Variants in TLR8 observed in about 807,000 individuals in gnomAD.
TLR8 encodes the protein toll like receptor 8.
In TLR8, 5 loss-of-function variants were observed where a neutral mutation model predicts 18.5. The observed-to-expected ratio is 0.27, with a 90% CI of 0.14 to 0.57. TLR8 has a LOEUF of 0.57. Among genes scored for constraint, TLR8 ranks in the 20% least tolerant of loss-of-function variants. TLR8 has a pLI of 0.92. For missense variants in TLR8, 543 were observed against 769.8 expected (o/e 0.71, Z 3.49); for synonymous variants, 299 against 300.1 (o/e 1.00, Z 0.04).
intron 1 of TLR8, among the ~76,000 whole-genome samples, chrX:12,917,052 A>G (rs1569116380): frequency 1.8e-5 from 2 of 111,807 alleles, no homozygotes; most frequent in Middle Eastern, 4.6e-3. Context: ...CGATAACCAG[A>G]AAAAACGTTC....
chrX:12,922,349 G>A lies in TLR8; in HGVS notation c.*183G>A. 2.0e-6 allele frequency: 1 copy of A among 496,932 alleles called. No homozygotes were observed. The highest frequency in any genetic ancestry group is 3.2e-6 in the Non-Finnish European group (1 of 308,663). The allele number at this position is 496,932 out of a possible 1,213,427, so 41.0% of individuals were successfully genotyped here. On this transcript the variant is annotated 3_prime_UTR_variant, in exon 2 of 2. Transcript: ENST00000218032. Reference sequence around the variant, plus strand: ...CCAGCATAACTGGGTCCTCTGCTCAGGGTGTCTCAGAGGCTGCAATGTAGG... The same window carrying A: ...CCAGCATAACTGGGTCCTCTGCTCAAGGTGTCTCAGAGGCTGCAATGTAGG...
chrX:12,907,199 G>A (rs752100391), intron 1 of TLR8, among the ~76,000 whole-genome samples: 3 of 112,450 alleles, frequency 2.7e-5, no homozygotes, highest in East Asian at 2.8e-4. Context: ...CTTAAAGTTC[G>A]ACATTAATTG....
Position 12,920,984 on chromosome X carries a change from T to A in TLR8, c.1944T>A (p.Leu648=). 8.3e-7 allele frequency: 1 copy of A among 1,211,303 alleles called. No homozygotes were observed. Among genetic ancestry groups the A allele is most frequent in the Non-Finnish European group, 1.1e-6 (1 of 894,987 alleles). The change falls in exon 2 of 2, where the codon CTT becomes CTA. Residue 648 remains leucine, a synonymous_variant. Coordinates refer to ENST00000218032, the MANE Select transcript of TLR8 (RefSeq NM_138636.5). Reference sequence around the variant, plus strand: ...ATCTGACACGTCTGGATTTATCCCTTAATAGGCTGAAGCACATCCCAAATG... The same window carrying A: ...ATCTGACACGTCTGGATTTATCCCTAAATAGGCTGAAGCACATCCCAAATG... ...LKNLTRLDLS[L]NRLKHIPNEA...
chrX:12,919,391 A>T lies in TLR8; in HGVS notation c.351A>T (p.Thr117=). The T allele has an allele frequency of 8.3e-7, 1 of 1,211,901 alleles. No individual in the cohort carries two copies. The highest frequency in any genetic ancestry group is 1.1e-6 in the Non-Finnish European group (1 of 895,534). The change falls in exon 2 of 2, where the codon ACA becomes ACT. Residue 117 remains threonine, a synonymous_variant. Transcript: ENST00000218032. Reference sequence around the variant, plus strand: ...TACAATCAAATGGCTTGAATATCACAGACGGGGCATTCCTCAACCTAAAAA... The same window carrying T: ...TACAATCAAATGGCTTGAATATCACTGACGGGGCATTCCTCAACCTAAAAA... The part of the protein sequence containing the change: ...PGIQSNGLNI[T]DGAFLNLKNL...
intron 1 of TLR8, among the ~76,000 whole-genome samples, chrX:12,915,904 G>A (rs750894424): frequency 2.0e-4 from 22 of 109,041 alleles, no homozygotes; most frequent in Admixed American, 1.4e-3. Context: ...TTTTTGAGAC[G>A]GAGTTTCACT....
chrX:12,910,226 G>T, intron 1 of TLR8: 1 of 970,659 alleles, frequency 1.0e-6, no homozygotes, highest in Non-Finnish European at 1.4e-6. Flanking sequence ...CAAAAATTCA[G>T]CTCTGGTTGA....
At chrX:12,908,550 G>A (rs902527193) in intron 1 of TLR8, among the ~76,000 whole-genome samples, 7 of 112,551 alleles carry the variant, frequency 6.2e-5, no homozygotes, top group Admixed American at 3.7e-4. Flanking sequence ...TGCCCAGACT[G>A]AACCCCAGAT....
intron 1 of TLR8, among the ~76,000 whole-genome samples, chrX:12,907,654 G>C (rs1455747818): frequency 9.0e-6 from 1 of 111,032 alleles, no homozygotes; most frequent in Non-Finnish European, 1.9e-5. Context: ...AACCTCCCAA[G>C]TAGCTGGGAC....
rs1450419927 is a variant in TLR8, at chrX:12,921,106, G to A, written c.2066G>A (p.Arg689His). The part of the protein sequence containing the change: ...FNWTLLQQFP[R>H]LELLDLRGNK... ...TGGACATTACTCCAGCAGTTTCCTC[G>A]TCTCGAGTTGCTTGACTTACGTGGA... Residue 689 changes from arginine (R) to histidine (H), a missense_variant, in exon 2 of 2, where the codon CGT (arginine) becomes CAT (histidine). Transcript: ENST00000218032. 7.4e-6 allele frequency: 9 copies of A among 1,211,108 alleles called. No homozygotes were observed. Among genetic ancestry groups the A allele is most frequent in the Non-Finnish European group, 1.0e-5 (9 of 895,282 alleles).
rs5744064 is a variant in TLR8 at position 12,916,204 on chromosome X, G to T, written c.4-2840G>T. ...CTAGGCCAAAGTCCCCTCTTCTTAG[G>T]CTCTTACAGTGTCATGCACTTCTTT... On this transcript the variant is annotated intron_variant, in intron 1 of 1. Transcript: ENST00000218032. Among the ~76,000 whole-genome samples, 615 of 111,670 alleles carry T rather than the reference G, an allele frequency of 5.5e-3. 2 individuals are homozygous for T. The highest frequency in any genetic ancestry group is 8.9e-3 in the Non-Finnish European group (471 of 53,087).
rs1420797888 is a variant in TLR8, at chrX:12,906,671, G to A, written c.-36G>A. 7.3e-6 allele frequency: 8 copies of A among 1,100,781 alleles called. No homozygotes were observed. The East Asian group carries it at 1.0e-4, about 14-fold the overall frequency. 90.7% of individuals were successfully genotyped at this position (1,100,781 alleles called of 1,213,427 possible). A position where few individuals can be genotyped will look rare whatever the true frequency, so the allele number is the denominator to read the frequency against. ...ATAGAGGGTACCATTCTGCGCTGCT[G>A]CAAGTTACGGAATGAAAAATTAGAA... On this transcript the variant is annotated 5_prime_UTR_variant, in exon 1 of 2. Coordinates refer to ENST00000218032, the MANE Select transcript of TLR8 (RefSeq NM_138636.5).
At position 12,922,171 on chromosome X, in the gene TLR8, C is replaced by G; in HGVS notation, c.*5C>G. The G allele has an allele frequency of 8.5e-7, 1 of 1,178,509 alleles. No individual in the cohort carries two copies. The highest frequency in any genetic ancestry group is 1.8e-5 in the African/African-American group (1 of 56,753). On this transcript the variant is annotated 3_prime_UTR_variant, in exon 2 of 2. Coordinates refer to ENST00000218032, the MANE Select transcript of TLR8 (RefSeq NM_138636.5). ...GATTCCATTAAGCAATACTAACTGACGTTAAGTCATGATTTCGCGCCATAA... is the reference window on the plus strand; with the variant it reads ...GATTCCATTAAGCAATACTAACTGAGGTTAAGTCATGATTTCGCGCCATAA...
At position 12,922,256 on chromosome X, in the gene TLR8, C is replaced by G; in HGVS notation, c.*90C>G. On this transcript the variant is annotated 3_prime_UTR_variant, in exon 2 of 2. Coordinates refer to ENST00000218032, the MANE Select transcript of TLR8 (RefSeq NM_138636.5). ...TATCTATTGCTATGTAACAAATTAT[C>G]CCAAAACTTAGTGGTTTAAAACAAC... 1.9e-6 allele frequency: 2 copies of G among 1,077,495 alleles called. No homozygotes were observed. Among genetic ancestry groups the G allele is most frequent in the Non-Finnish European group, 2.5e-6 (2 of 813,527 alleles). The allele number at this position is 1,077,495 out of a possible 1,213,427, so 88.8% of individuals were successfully genotyped here. A position where few individuals can be genotyped will look rare whatever the true frequency, so the allele number is the denominator to read the frequency against.
At chrX:12,910,399 C>A (rs1569114468) in intron 1 of TLR8, 1 of 1,167,665 alleles carries the variant, frequency 8.6e-7, no homozygotes, top group East Asian at 3.2e-5. Context: ...AAGGAGTCAT[C>A]TTTGCAAAAT....
chrX:12,913,890 G>T (rs2043036962), intron 1 of TLR8, among the ~76,000 whole-genome samples: 1 of 112,375 alleles, frequency 8.9e-6, no homozygotes, highest in East Asian at 2.8e-4. Context: ...TGTAATTTTT[G>T]AGTGAGGTTG....
At position 12,920,678 on chromosome X, in the gene TLR8, T is replaced by A. The variant is rs2043087959; in HGVS notation, c.1638T>A (p.Asn546Lys). Residue 546 changes from asparagine (N) to lysine (K), a missense_variant, in exon 2 of 2, where the codon AAT becomes AAA. By Grantham distance (94) the Asn-to-Lys change is moderately conservative. Transcript: ENST00000218032. ...DLTNNRLDFDNASALTELSDL... is the reference protein window; with the variant it reads ...DLTNNRLDFDKASALTELSDL... ...CAAACAATAGACTAGACTTTGATAA[T>A]GCTAGTGCTCTTACTGAATTGTCCG... is the stretch of plus-strand genomic sequence containing the variant. 1 of 1,209,652 alleles carries A rather than the reference T, an allele frequency of 8.3e-7. No homozygotes were observed. The highest frequency in any genetic ancestry group is 1.1e-6 in the Non-Finnish European group (1 of 894,356).
intron 1 of TLR8, among the ~76,000 whole-genome samples, chrX:12,915,660 T>A (rs745395540): frequency 1.8e-5 from 2 of 111,780 alleles, no homozygotes; most frequent in Non-Finnish European, 3.8e-5. Context: ...AGTCCTACCA[T>A]GGCAAACATG....
At chrX:12,906,854 T>A in intron 1 of TLR8, 145 bp downstream of exon 1, 1 of 441,916 alleles carries the variant, frequency 2.3e-6, no homozygotes, top group Non-Finnish European at 3.5e-6. Flanking sequence ...GAAACAACTG[T>A]AAATGCAGGT....
Position 12,921,560 on chromosome X carries a change from C to T in TLR8, c.2520C>T (p.Thr840=). Residue 840 remains threonine, a synonymous_variant, in exon 2 of 2, where the codon ACC becomes ACT. Transcript: ENST00000218032. ...TTTTCTTCACGTTCTTTATCACCAC[C>T]ATGGTTATGTTGGCTGCCCTGGCTC... ...ILFFFTFFIT[T]MVMLAALAHH... 8.3e-7 allele frequency: 1 copy of T among 1,211,961 alleles called. No individual in the cohort carries two copies. The highest frequency in any genetic ancestry group is 1.7e-5 in the African/African-American group (1 of 57,867).
Sources: gnomAD v4.1 joint callset for allele counts (sites outside exome capture counted in the v4.1 genomes callset) on GRCh38, gnomAD v4.1.1 for gene constraint, MANE v1.5 for transcripts, NCBI Gene and HGNC (gene_info 2026-07-23, HGNC 2026-07-21) for gene names.